ZNF611: variants seen among roughly 807,000 people sequenced by gnomAD.
The protein encoded by ZNF611 is zinc finger protein 611.
ZNF611 carries 6 observed loss-of-function variants against 8.9 expected under a neutral mutation model. That is an observed-to-expected ratio of 0.68 (90% CI 0.37 to 1.34). ZNF611 has a LOEUF of 1.34. Ranked by LOEUF, ZNF611 falls within the 40% of genes most tolerant of loss-of-function variation. ZNF611 has a pLI of 0.02. For missense variants in ZNF611, 874 were observed against 841.3 expected (o/e 1.04, Z -0.48); for synonymous variants, 262 against 279.7 (o/e 0.94, Z 0.63).
At chr19:52,731,125 C>T (rs374472467) in intron 1 of ZNF611, among the ~76,000 whole-genome samples, 4 of 151,818 alleles carry the variant, frequency 2.6e-5, no homozygotes, top group Non-Finnish European at 4.4e-5. Context: ...TGCCGTGGTG[C>T]GATCGTGGCT....
chr19:52,717,356 C>T (rs2062324223), intron 3 of ZNF611, among the ~76,000 whole-genome samples: 1 of 152,082 alleles, frequency 6.6e-6, no homozygotes, highest in South Asian at 2.1e-4. Context: ...GAACAAGGAC[C>T]TAGAAAAGAA....
In ZNF611 at chr19:52,706,273, C is replaced by T. The variant is rs143226923; in HGVS notation, c.782G>A (p.Cys261Tyr). 2 of 1,614,164 alleles carry T rather than the reference C, an allele frequency of 1.2e-6. No individual in the cohort carries two copies. Among genetic ancestry groups the T allele is most frequent in the Non-Finnish European group, 1.7e-6 (2 of 1,180,024 alleles). ...IPHLGDKQYK[C>Y]DVCGKLFNHE... ...ATTAAAGAGCTTGCCACATACATCACATTTATATTGTTTGTCTCCTAAATG... is the reference window on the plus strand; with the variant it reads ...ATTAAAGAGCTTGCCACATACATCATATTTATATTGTTTGTCTCCTAAATG... Residue 261 changes from cysteine (C) to tyrosine (Y), a missense_variant, in exon 6 of 6, where the codon TGT becomes TAT. Transcript: ENST00000652185.
In ZNF611 at chr19:52,714,155, C is replaced by T. The variant is rs767517727; in HGVS notation, c.64-14G>A. ...AGTCAAGCGTCCCTAAAATGAAACA[C>T]ACATTTCAACAAAACATTATGGAGT... On this transcript the variant is annotated splice_polypyrimidine_tract_variant and intron_variant, in intron 4 of 5. Transcript: ENST00000652185. The T allele has an allele frequency of 3.6e-5, 58 of 1,611,220 alleles. No homozygotes were observed. Among genetic ancestry groups the T allele is most frequent in the East Asian group, 4.5e-5 (2 of 44,854 alleles).
At chr19:52,713,790 C>T (rs2062296172) in intron 5 of ZNF611, among the ~76,000 whole-genome samples, 1 of 152,094 alleles carries the variant, frequency 6.6e-6, no homozygotes, top group South Asian at 2.1e-4. Context: ...ACTCAGGAGG[C>T]TGAGGCAGGA....
Position 52,716,746 on chromosome 19 carries a change from C to T in ZNF611, c.-19-833G>A, listed in dbSNP as rs73063466. 1.0e-3 allele frequency among the ~76,000 whole-genome samples: 158 copies of T among 152,244 alleles called. 1 individual carries two copies. Among genetic ancestry groups the T allele is most frequent in the Non-Finnish European group, 1.6e-3 (109 of 68,016 alleles). On this transcript the variant is annotated intron_variant, in intron 3 of 5. Coordinates refer to ENST00000652185, the MANE Select transcript of ZNF611 (RefSeq NM_001161499.2). The stretch of plus-strand genomic sequence containing the variant: ...CAGATGCATATCTGAGTGCCTCCTT[C>T]AAAAGACTAATTAGAAACTCAAAAG...
Position 52,706,651 on chromosome 19 carries a change from A to G in ZNF611, c.404T>C (p.Leu135Ser), listed in dbSNP as rs1465847963. The G allele has an allele frequency of 6.2e-7, 1 of 1,613,680 alleles. No homozygotes were observed. Among genetic ancestry groups the G allele is most frequent in the African/African-American group, 1.3e-5 (1 of 74,826 alleles). ...ATCATGTTGGTCTGTGCTACCAGTCAACTTTTTTATTTTTGTCATGGGTGC... is the reference window on the plus strand; with the variant it reads ...ATCATGTTGGTCTGTGCTACCAGTCGACTTTTTTATTTTTGTCATGGGTGC... ...LEAPMTKIKK[L>S]TGSTDQHDHR... Residue 135 changes from leucine (L) to serine (S), a missense_variant, in exon 6 of 6, where the codon TTG (leucine) becomes TCG (serine). Transcript: ENST00000652185.
chr19:52,725,791 C>T lies in ZNF611; in HGVS notation c.-20+2939G>A, dbSNP rs145445235. Among the ~76,000 whole-genome samples the T allele has an allele frequency of 4.4e-4, 67 of 152,244 alleles. 1 individual carries two copies. Among genetic ancestry groups the T allele is most frequent in the Admixed American group, 1.9e-3 (29 of 15,306 alleles). On this transcript the variant is annotated intron_variant, in intron 3 of 5. Coordinates refer to ENST00000652185, the MANE Select transcript of ZNF611 (RefSeq NM_001161499.2). ...TGCTGCGCAGGACAGAAGCCAGTCCCGGGTGGGGCCCCCGAACATGGTGGC... is the reference window on the plus strand; with the variant it reads ...TGCTGCGCAGGACAGAAGCCAGTCCTGGGTGGGGCCCCCGAACATGGTGGC...
Position 52,704,978 on chromosome 19 carries a change from GGT to G in ZNF611, c.2075_2076del (p.His692ProfsTer6), listed in dbSNP as rs746547862. On this transcript the variant is annotated frameshift_variant, in exon 6 of 6. Transcript: ENST00000652185. LOFTEE classifies it low-confidence loss of function (END_TRUNC). ...ECGKAFNQQS[H>X]LSRHHRIHTG... The stretch of plus-strand genomic sequence containing the variant: ...GTATGAATTCTATGATGACGTGAAA[GGT>G]GTGATTGTTGATTAAAAGCCTTCCC... 6.2e-6 allele frequency: 10 copies of G among 1,614,054 alleles called. No individual in the cohort carries two copies. Among genetic ancestry groups the G allele is most frequent in the Admixed American group, 5.0e-5 (3 of 60,004 alleles).
intron 3 of ZNF611, among the ~76,000 whole-genome samples, chr19:52,727,193 A>T (rs1600332805): frequency 1.3e-5 from 2 of 152,262 alleles, no homozygotes; most frequent in African/African-American, 4.8e-5. Context: ...TTCACTTTTT[A>T]AATGTGAGAA....
chr19:52,728,083 A>G (rs924097843), intron 3 of ZNF611, among the ~76,000 whole-genome samples: 1 of 151,580 alleles, frequency 6.6e-6, no homozygotes, highest in Non-Finnish European at 1.5e-5. Context: ...ATTTTTTTGA[A>G]TTTTTAGTAG....
chr19:52,706,572 A>T lies in ZNF611; in HGVS notation c.483T>A (p.Tyr161Ter), dbSNP rs1290258304. 27 of 1,614,076 alleles carry T rather than the reference A, an allele frequency of 1.7e-5. No individual in the cohort carries two copies. Among genetic ancestry groups the T allele is most frequent in the Non-Finnish European group, 2.2e-5 (26 of 1,180,034 alleles). The change falls in exon 6 of 6, where the codon TAT becomes TAA. Residue 161 changes from tyrosine (Y) to a stop codon, truncating the protein, a stop_gained. Coordinates refer to ENST00000652185, the MANE Select transcript of ZNF611 (RefSeq NM_001161499.2). LOFTEE classifies it low-confidence loss of function (END_TRUNC). ...ATATGTGGAGTTCAGGCAGATGTGAATAAAAGCTTGATCCAAGCTGATCTT... is the reference window on the plus strand; with the variant it reads ...ATATGTGGAGTTCAGGCAGATGTGATTAAAAGCTTGATCCAAGCTGATCTT... Reference protein sequence around the residue: ...PIKDQLGSSFYSHLPELHIFQ... With the variant: ...PIKDQLGSSF
chr19:52,733,740 CCTG>C (rs1161376598), intron 1 of ZNF611, among the ~76,000 whole-genome samples: 10 of 151,862 alleles, frequency 6.6e-5, no homozygotes, highest in African/African-American at 2.2e-4. Context: ...CCTCTCCTCT[CCTG>C]CTATTCATCC....
chr19:52,712,543 G>A (rs1297060464), intron 5 of ZNF611, among the ~76,000 whole-genome samples: 2 of 150,022 alleles, frequency 1.3e-5, no homozygotes, highest in Non-Finnish European at 3.0e-5. Flanking sequence ...GGAGGCTGAG[G>A]TAGCAGATTG....
intron 5 of ZNF611, among the ~76,000 whole-genome samples, chr19:52,709,996 G>T (rs535284357): frequency 3.3e-5 from 5 of 152,304 alleles, no homozygotes; most frequent in African/African-American, 9.6e-5. Context: ...AGCCAATCTA[G>T]CTGACATCTT....
At chr19:52,710,713 G>A (rs927396655) in intron 5 of ZNF611, among the ~76,000 whole-genome samples, 1 of 152,082 alleles carries the variant, frequency 6.6e-6, no homozygotes, top group African/African-American at 2.4e-5. Flanking sequence ...GACAGGAAAG[G>A]GGGCATCTCA....
intron 3 of ZNF611, among the ~76,000 whole-genome samples, chr19:52,718,757 C>A (rs1337034207): frequency 6.6e-6 from 1 of 152,000 alleles, no homozygotes; most frequent in African/African-American, 2.4e-5. Flanking sequence ...AAGATCATGC[C>A]ATTGCACTAC....
intron 1 of ZNF611, among the ~76,000 whole-genome samples, chr19:52,732,371 GAATAACTCAC>G (rs1179728036): frequency 7.6e-6 from 1 of 131,956 alleles, no homozygotes; most frequent in African/African-American, 3.1e-5. Flanking sequence ...GAGTTATTCT[GAATAACTCAC>G]AGTATTGAGT....
chr19:52,711,401 C>T (rs2062279033), intron 5 of ZNF611: 1 of 151,956 alleles, frequency 6.6e-6, no homozygotes, highest in Non-Finnish European at 1.5e-5. Flanking sequence ...CATTATTTCT[C>T]AAATAATGAC....
At chr19:52,727,591 G>A (rs578224065) in intron 3 of ZNF611, among the ~76,000 whole-genome samples, 8 of 152,184 alleles carry the variant, frequency 5.3e-5, no homozygotes, top group East Asian at 3.9e-4. Flanking sequence ...GGTGGCAGGC[G>A]CCTGTAATTT....
Sources: allele counts gnomAD v4.1 joint callset (sites outside exome capture counted in the v4.1 genomes callset), GRCh38; gene constraint gnomAD v4.1.1; transcripts MANE v1.5; gene names NCBI Gene and HGNC (gene_info 2026-07-23, HGNC 2026-07-21).